The following XYLT1 variants were observed in gnomAD, a reference collection of about 807,000 sequenced individuals.
XYLT1 encodes the protein xylosyltransferase 1, also known as beta-D-xylosyltransferase 1.
Under a neutral mutation model 91.3 loss-of-function variants are expected in XYLT1, and 36 were observed. The ratio of observed to expected loss-of-function variants is 0.39; its 90% CI spans 0.30 to 0.52. The LOEUF (loss-of-function observed/expected upper bound fraction) is 0.52. XYLT1 is among the 20% of genes least tolerant of loss of function. XYLT1 has a pLI of 0.68. For synonymous variants in XYLT1, 588 were observed against 532.0 expected (o/e 1.11, Z -1.45); for missense variants, 1,242 against 1,284.5 (o/e 0.97, Z 0.51).
intron 5 of XYLT1, 82 bp downstream of exon 5, chr16:17,198,130 C>T (rs900693470): frequency 1.4e-6 from 2 of 1,465,298 alleles, no homozygotes; most frequent in Non-Finnish European, 9.5e-7. Flanking sequence ...CATCAGTCTC[C>T]TTCTGCCTCG....
intron 1 of XYLT1, among the ~76,000 whole-genome samples, chr16:17,397,926 G>A (rs979418148): frequency 6.7e-6 from 1 of 149,962 alleles, no homozygotes; most frequent in Non-Finnish European, 1.5e-5. Flanking sequence ...GGGTTCAAGC[G>A]ATTCTCCTGC....
At chr16:17,139,522 A>G (rs371424189) in intron 7 of XYLT1, among the ~76,000 whole-genome samples, 7 of 151,974 alleles carry the variant, frequency 4.6e-5, no homozygotes, top group African/African-American at 1.5e-4. Context: ...CTCCCAAACA[A>G]TCTCTTCTAA....
At position 17,364,805 on chromosome 16, in the gene XYLT1, T is replaced by C. The variant is rs2035429611; in HGVS notation, c.364-6755A>G. On this transcript the variant is annotated intron_variant, in intron 1 of 11. Coordinates refer to ENST00000261381, the MANE Select transcript of XYLT1 (RefSeq NM_022166.4). ...AGGAGCAGTAAGCAAGTTTGTAAGT[T>C]GCCAGAAACTAGTCCTTTAACCGAT... is the stretch of plus-strand genomic sequence containing the variant. 3.3e-5 allele frequency among the ~76,000 whole-genome samples: 5 copies of C among 152,196 alleles called. No homozygotes were observed. In the South Asian group the frequency reaches 1.0e-3, roughly 31 times the overall value.
At chr16:17,192,748 G>T (rs1446537456) in intron 5 of XYLT1, 1 of 150,692 alleles carries the variant, frequency 6.6e-6, no homozygotes, top group Non-Finnish European at 1.5e-5. Flanking sequence ...GTCCACAAGT[G>T]AATTGGATCT....
chr16:17,357,179 A>T (rs1014441311), intron 2 of XYLT1, among the ~76,000 whole-genome samples: 3 of 134,484 alleles, frequency 2.2e-5, no homozygotes, highest in Non-Finnish European at 4.5e-5. Context: ...TCTCAAAAAA[A>T]AAAAAAAAAA....
At chr16:17,432,893 C>T (rs775501004) in intron 1 of XYLT1, among the ~76,000 whole-genome samples, 22 of 152,188 alleles carry the variant, frequency 1.4e-4, no homozygotes, top group African/African-American at 2.6e-4. Context: ...AAAAAAAACA[C>T]GCAAGGGCCA....
intron 1 of XYLT1, among the ~76,000 whole-genome samples, chr16:17,386,201 C>T (rs944422642): frequency 6.6e-6 from 1 of 152,166 alleles, no homozygotes; most frequent in African/African-American, 2.4e-5. Flanking sequence ...AAAAGCACCC[C>T]CTTCGCCAGG....
intron 1 of XYLT1, among the ~76,000 whole-genome samples, chr16:17,416,940 G>A (rs2036187293): frequency 6.6e-6 from 1 of 152,214 alleles, no homozygotes; most frequent in Admixed American, 6.5e-5. Flanking sequence ...CGAGGTGGCT[G>A]GTGTTGCTTT....
intron 3 of XYLT1, among the ~76,000 whole-genome samples, chr16:17,257,045 C>A (rs941638059): frequency 2.0e-5 from 3 of 152,198 alleles, no homozygotes; most frequent in Admixed American, 1.3e-4. Flanking sequence ...TTGCTGGCCT[C>A]CGTGCTCATT....
At chr16:17,132,317 G>A (rs1252778427) in intron 9 of XYLT1, among the ~76,000 whole-genome samples, 1 of 152,136 alleles carries the variant, frequency 6.6e-6, no homozygotes, top group Non-Finnish European at 1.5e-5. Flanking sequence ...TGGGTGTGGG[G>A]TGAGCTATCT....
intron 2 of XYLT1, among the ~76,000 whole-genome samples, chr16:17,261,445 G>C (rs1243951763): frequency 6.6e-6 from 1 of 152,106 alleles, no homozygotes; most frequent in Non-Finnish European, 1.5e-5. Flanking sequence ...GGGTCACCCA[G>C]CTAGTTGGCG....
intron 1 of XYLT1, among the ~76,000 whole-genome samples, chr16:17,433,885 C>T (rs993332498): frequency 2.0e-5 from 3 of 152,154 alleles, no homozygotes; most frequent in Non-Finnish European, 2.9e-5. Flanking sequence ...TCCCCCACCC[C>T]CGCTTTTTTT....
intron 5 of XYLT1, among the ~76,000 whole-genome samples, chr16:17,166,564 T>G (rs1161712717): frequency 1.3e-5 from 2 of 151,380 alleles, no homozygotes; most frequent in Non-Finnish European, 2.9e-5. Flanking sequence ...CATGCTGGAG[T>G]GCAGTGGCAC....
intron 3 of XYLT1, among the ~76,000 whole-genome samples, chr16:17,220,314 T>TA (rs1002589621): frequency 1.1e-4 from 17 of 149,778 alleles, no homozygotes; most frequent in Admixed American, 3.3e-4. Context: ...AACTGCCATT[T>TA]AAAAAAAAAA....
At chr16:17,438,251 C>T (rs1451134204) in intron 1 of XYLT1, among the ~76,000 whole-genome samples, 1 of 152,194 alleles carries the variant, frequency 6.6e-6, no homozygotes, top group Non-Finnish European at 1.5e-5. Flanking sequence ...GTTAATAGCG[C>T]TCTCCCCTAA....
intron 8 of XYLT1, 53 bp downstream of exon 8, chr16:17,138,302 G>C: frequency 1.3e-6 from 2 of 1,589,576 alleles, no homozygotes; most frequent in Non-Finnish European, 1.7e-6. Flanking sequence ...TTCTGCAGAG[G>C]TTTGTTGGGA....
rs78182733 is a variant in XYLT1, at chr16:17,270,670, C to T, written c.403-11172G>A. On this transcript the variant is annotated intron_variant, in intron 2 of 11. Coordinates refer to ENST00000261381, the MANE Select transcript of XYLT1 (RefSeq NM_022166.4). ...TACCTACCAGGCACGGAGCTAAGCC[C>T]GTGGCTTGGCATCGCTATTCATTCC... 5.5e-3 allele frequency among the ~76,000 whole-genome samples: 842 copies of T among 152,302 alleles called. 14 individuals are homozygous for T. Among genetic ancestry groups the T allele is most frequent in the African/African-American group, 0.019 (791 of 41,560 alleles).
chr16:17,218,185 G>C (rs936518321), intron 3 of XYLT1, among the ~76,000 whole-genome samples: 13 of 151,898 alleles, frequency 8.6e-5, no homozygotes, highest in Non-Finnish European at 1.3e-4. Context: ...TTGAACCCAG[G>C]GGGTGGAGGT....
intron 1 of XYLT1, among the ~76,000 whole-genome samples, chr16:17,422,048 T>C (rs1025150049): frequency 6.6e-6 from 1 of 151,934 alleles, no homozygotes; most frequent in Non-Finnish European, 1.5e-5. Flanking sequence ...AATGGCATGA[T>C]CTCCACTCAC....
Sources: gnomAD v4.1 joint callset for allele counts (sites outside exome capture counted in the v4.1 genomes callset) on GRCh38, gnomAD v4.1.1 for gene constraint, MANE v1.5 for transcripts, NCBI Gene and HGNC (gene_info 2026-07-23, HGNC 2026-07-21) for gene names.